Variants in TRAF3 observed in about 807,000 individuals in gnomAD.
The protein encoded by TRAF3 is TNF receptor-associated factor 3.
A neutral mutation model predicts 62.3 loss-of-function variants in TRAF3; 13 were observed. The ratio of observed to expected loss-of-function variants is 0.21; its 90% CI spans 0.14 to 0.33. The LOEUF (loss-of-function observed/expected upper bound fraction) is 0.33. Ranked by LOEUF, TRAF3 falls within the 10% of genes least tolerant of loss-of-function variation. The pLI is 1.00. For synonymous variants in TRAF3, 269 were observed against 283.4 expected (o/e 0.95, Z 0.51); for missense variants, 440 against 741.8 (o/e 0.59, Z 4.73).
In TRAF3 at chr14:102,844,653, T is replaced by C. The variant is rs536038110; in HGVS notation, c.-18+14181T>C. Among the ~76,000 whole-genome samples the C allele has an allele frequency of 2.0e-3, 311 of 152,252 alleles. 4 individuals are homozygous for C. Among genetic ancestry groups the C allele is most frequent in the African/African-American group, 7.0e-3 (291 of 41,564 alleles). On this transcript the variant is annotated intron_variant, in intron 2 of 11. Coordinates refer to ENST00000392745, the MANE Select transcript of TRAF3 (RefSeq NM_145725.3). ...GAACCATGGGGAAGGTGAACAAATA[T>C]TTGGCTACAAAATTAAATCTCCATT...
chr14:102,870,020 A>G (rs1280318777), intron 2 of TRAF3, among the ~76,000 whole-genome samples, 165 bp from the exon 3 acceptor site: 1 of 152,100 alleles, frequency 6.6e-6, no homozygotes, highest in Non-Finnish European at 1.5e-5. Flanking sequence ...GGATGGAAGC[A>G]TATTTGATCA....
At position 102,903,998 on chromosome 14, in the gene TRAF3, G is replaced by A. The variant is rs1341037435; in HGVS notation, c.1135+569G>A. 3 of 360,462 alleles carry A rather than the reference G, an allele frequency of 8.3e-6. No individual in the cohort carries two copies. The highest frequency in any genetic ancestry group is 1.5e-4 in the East Asian group (2 of 13,584). The allele number at this position is 360,462 out of a possible 1,614,324, so 22.3% of individuals were successfully genotyped here. Reference sequence around the variant, plus strand: ...AGGCAGAGAATGAGGTTGGAGGAGAGGGGAGCAGCTTCGCCTCCAAGAGAG... The same window carrying A: ...AGGCAGAGAATGAGGTTGGAGGAGAAGGGAGCAGCTTCGCCTCCAAGAGAG... On this transcript the variant is annotated intron_variant, in intron 11 of 11. Transcript: ENST00000392745. The surrounding 1 kb of genome is among the most constrained non-coding windows in gnomAD (Gnocchi z 6.4).
At chr14:102,796,140 C>G (rs1288932297) in intron 1 of TRAF3, among the ~76,000 whole-genome samples, 1 of 152,202 alleles carries the variant, frequency 6.6e-6, no homozygotes, top group Non-Finnish European at 1.5e-5. Flanking sequence ...TTGCTTGAAC[C>G]CGGGAGGTGG....
At chr14:102,835,793 A>C (rs1885963426) in intron 2 of TRAF3, among the ~76,000 whole-genome samples, 1 of 152,206 alleles carries the variant, frequency 6.6e-6, no homozygotes, top group Admixed American at 6.5e-5. Context: ...CAGAAAAAAT[A>C]ACCATTGGGT....
chr14:102,833,333 C>G (rs933286216), intron 2 of TRAF3, among the ~76,000 whole-genome samples: 1 of 152,090 alleles, frequency 6.6e-6, no homozygotes, highest in African/African-American at 2.4e-5. Context: ...ACCAAGAAAT[C>G]TTTTTTTTCT....
chr14:102,833,165 G>C (rs1289220211), intron 2 of TRAF3, among the ~76,000 whole-genome samples: 1 of 152,160 alleles, frequency 6.6e-6, no homozygotes, highest in Non-Finnish European at 1.5e-5. Flanking sequence ...TGTCAGCTCT[G>C]TGAAGGGGAG....
intron 10 of TRAF3, among the ~76,000 whole-genome samples, chr14:102,900,276 G>A (rs1296915494): frequency 6.6e-6 from 1 of 151,936 alleles, no homozygotes; most frequent in Non-Finnish European, 1.5e-5. Flanking sequence ...GCCGAGGCGG[G>A]TGGATCACGA....
rs117653635 is a variant in TRAF3 at position 102,908,105 on chromosome 14, C to T, written c.*2321C>T. 0.021 allele frequency: 3,208 copies of T among 152,402 alleles called. 48 individuals carry two copies. Among genetic ancestry groups the T allele is most frequent in the Non-Finnish European group, 0.031 (2,106 of 68,060 alleles). 9.4% of individuals were successfully genotyped at this position (152,402 alleles called of 1,614,324 possible). ...TGCAACATCTTGGTCTAGTAAGAAC[C>T]GTTTCCTCCCCTCTGGGTTGAAGTC... On this transcript the variant is annotated 3_prime_UTR_variant, in exon 12 of 12. Coordinates refer to ENST00000392745, the MANE Select transcript of TRAF3 (RefSeq NM_145725.3).
chr14:102,890,563 T>A (rs1332201726), intron 8 of TRAF3, among the ~76,000 whole-genome samples: 1 of 152,202 alleles, frequency 6.6e-6, no homozygotes, highest in Non-Finnish European at 1.5e-5. Flanking sequence ...TATATCAACA[T>A]ATATATATGA....
intron 1 of TRAF3, among the ~76,000 whole-genome samples, chr14:102,813,454 TTTTC>T (rs1340892225): frequency 2.0e-5 from 3 of 147,558 alleles, no homozygotes; most frequent in African/African-American, 7.3e-5. Flanking sequence ...TTTTCTTTTC[TTTTC>T]TTTTTTTTTT....
intron 2 of TRAF3, among the ~76,000 whole-genome samples, chr14:102,844,677 T>C (rs1261850176): frequency 1.3e-5 from 2 of 152,160 alleles, no homozygotes; most frequent in Non-Finnish European, 2.9e-5. Context: ...TAAATCTCCA[T>C]TGCAGTAATT....
rs762508349 is a variant in TRAF3, at chr14:102,903,747, C to T, written c.1135+318C>T. 15 of 515,886 alleles carry T rather than the reference C, an allele frequency of 2.9e-5. No individual in the cohort carries two copies. Among genetic ancestry groups the T allele is most frequent in the African/African-American group, 1.5e-4 (8 of 52,352 alleles). The allele number at this position is 515,886 out of a possible 1,614,324, so 32.0% of individuals were successfully genotyped here. A position where few individuals can be genotyped will look rare whatever the true frequency, so the allele number is the denominator to read the frequency against. On this transcript the variant is annotated intron_variant, in intron 11 of 11. Coordinates refer to ENST00000392745, the MANE Select transcript of TRAF3 (RefSeq NM_145725.3). This position sits in a 1 kb window ranked among gnomAD's most constrained non-coding sequence, Gnocchi z 6.4. ...GGGTGACCCACAGGACAGGCCCAAG[C>T]GCAGATGGCAGAGGCCAGGACCTGC... is the stretch of plus-strand genomic sequence containing the variant.
At chr14:102,841,233 G>A (rs1886355420) in intron 2 of TRAF3, among the ~76,000 whole-genome samples, 1 of 152,234 alleles carries the variant, frequency 6.6e-6, no homozygotes, top group South Asian at 2.1e-4. Flanking sequence ...AAACATAGGA[G>A]AGGAGGGAGC....
chr14:102,870,456 CTCGCCCGGCCCG>C lies in TRAF3; in HGVS notation c.245+22_245+33del, dbSNP rs750157259. On this transcript the variant is annotated intron_variant, in intron 3 of 11. Coordinates refer to ENST00000392745, the MANE Select transcript of TRAF3 (RefSeq NM_145725.3). ...TGGCGGCCCTGCTGAGGTAGGCGCC[CTCGCCCGGCCCG>C]TCGCCCGGCCCCTTCTCAGCCCTCG... 8.1e-6 allele frequency: 13 copies of C among 1,608,944 alleles called. No individual in the cohort carries two copies. Among genetic ancestry groups the C allele is most frequent in the South Asian group, 2.2e-5 (2 of 90,938 alleles).
chr14:102,902,949 T>C, intron 10 of TRAF3: 1 of 425,628 alleles, frequency 2.3e-6, no homozygotes, highest in South Asian at 2.1e-5. Flanking sequence ...TTGCCACCTG[T>C]CACTTTGCTT....
chr14:102,815,021 G>A (rs1277784386), intron 1 of TRAF3, among the ~76,000 whole-genome samples: 1 of 152,002 alleles, frequency 6.6e-6, no homozygotes, highest in African/African-American at 2.4e-5. Context: ...CTGTAGCCTC[G>A]ACCTCTAGAG....
chr14:102,850,688 TAAAAAA>T (rs35096461), intron 2 of TRAF3, among the ~76,000 whole-genome samples: 29 of 87,518 alleles, frequency 3.3e-4, no homozygotes, highest in Middle Eastern at 5.6e-3. Flanking sequence ...AGACTCCGTC[TAAAAAA>T]AAAAAAAAAA....
chr14:102,898,208 G>A (rs1228048190), intron 10 of TRAF3, among the ~76,000 whole-genome samples: 1 of 152,194 alleles, frequency 6.6e-6, no homozygotes, highest in African/African-American at 2.4e-5. Context: ...TTTGACATTG[G>A]AGATGAGTCA....
Position 102,891,576 on chromosome 14 carries a change from G to T in TRAF3, c.819+159G>T, listed in dbSNP as rs1462796381. Among the ~76,000 whole-genome samples, 4 of 152,184 alleles carry T rather than the reference G, an allele frequency of 2.6e-5. No homozygotes were observed. The East Asian group carries it at 7.7e-4, about 29-fold the overall frequency. ...TGTGATCTTGAGCTTATAAATGAAG[G>T]TGTTTTATTTTTGTTATTTGTTTTT... On this transcript the variant is annotated intron_variant, in intron 9 of 11. Transcript: ENST00000392745.
Sources: gnomAD v4.1 joint callset for allele counts (sites outside exome capture counted in the v4.1 genomes callset) on GRCh38, gnomAD v4.1.1 for gene constraint, Gnocchi (gnomAD v3.1) non-coding constraint, MANE v1.5 for transcripts, NCBI Gene and HGNC (gene_info 2026-07-23, HGNC 2026-07-21) for gene names.